The following DLGAP2 variants were observed in gnomAD, a reference collection of about 807,000 sequenced individuals.
DLGAP2 encodes DLG associated protein 2, also known as disks large-associated protein 2.
Under a neutral mutation model 100.3 loss-of-function variants are expected in DLGAP2, and 26 were observed. That is an observed-to-expected ratio of 0.26 (90% CI 0.19 to 0.36). The LOEUF (loss-of-function observed/expected upper bound fraction) is 0.36, where lower values mean the gene tolerates loss of function less well. DLGAP2 is among the 10% of genes least tolerant of loss of function. The pLI is 1.00. For synonymous variants in DLGAP2, 886 were observed against 630.1 expected (o/e 1.41, Z -6.08); for missense variants, 1,858 against 1,453.2 (o/e 1.28, Z -4.53).
intron 4 of DLGAP2, among the ~76,000 whole-genome samples, chr8:1,526,846 T>C (rs1261010937): frequency 6.6e-6 from 1 of 152,112 alleles, no homozygotes; most frequent in Non-Finnish European, 1.5e-5. Flanking sequence ...AGGCCCAGGG[T>C]TCTCTCTGGG....
chr8:1,093,994 G>A (rs531268905), intron 2 of DLGAP2, among the ~76,000 whole-genome samples: 1 of 111,816 alleles, frequency 8.9e-6, no homozygotes, highest in East Asian at 2.7e-4. Flanking sequence ...TGGATGGAGG[G>A]CAGCTCCCCG....
chr8:903,503 A>G (rs1461433139), intron 1 of DLGAP2, among the ~76,000 whole-genome samples: 1 of 152,110 alleles, frequency 6.6e-6, no homozygotes, highest in Admixed American at 6.5e-5. Flanking sequence ...GACGGTCACC[A>G]TCTCAGAATA....
intron 1 of DLGAP2, among the ~76,000 whole-genome samples, chr8:756,707 C>T (rs1214243502): frequency 6.6e-6 from 1 of 152,094 alleles, no homozygotes; most frequent in Non-Finnish European, 1.5e-5. Flanking sequence ...AATCCCCCTT[C>T]CCCTGAGCGC....
chr8:1,475,583 G>T (rs1325839096), intron 3 of DLGAP2, among the ~76,000 whole-genome samples: 12 of 152,118 alleles, frequency 7.9e-5, no homozygotes, highest in African/African-American at 2.9e-4. Flanking sequence ...ACTGGGTCAG[G>T]TCACCACCCT....
chr8:1,344,820 C>T (rs959702061), intron 3 of DLGAP2, among the ~76,000 whole-genome samples: 1 of 152,164 alleles, frequency 6.6e-6, no homozygotes, highest in Non-Finnish European at 1.5e-5. Flanking sequence ...TGACTCACAG[C>T]AGGTACAGAA....
intron 2 of DLGAP2, among the ~76,000 whole-genome samples, chr8:997,859 TACACACAA>T (rs1563135130): frequency 6.8e-6 from 1 of 146,020 alleles, no homozygotes; most frequent in Non-Finnish European, 1.6e-5. Context: ...CATACACACA[TACACACAA>T]ACACACATAC....
intron 6 of DLGAP2, among the ~76,000 whole-genome samples, chr8:1,624,594 G>A (rs1421429404): frequency 6.6e-6 from 1 of 151,750 alleles, no homozygotes; most frequent in Non-Finnish European, 1.5e-5. Context: ...ATGCTTTCAG[G>A]GTGGTGACAG....
At chr8:1,331,339 C>G (rs1448470193) in intron 3 of DLGAP2, among the ~76,000 whole-genome samples, 1 of 152,170 alleles carries the variant, frequency 6.6e-6, no homozygotes, top group Non-Finnish European at 1.5e-5. Flanking sequence ...TCCTCACACA[C>G]CCGTTTCACA....
intron 2 of DLGAP2, among the ~76,000 whole-genome samples, chr8:979,295 G>A (rs1800262068): frequency 6.6e-6 from 1 of 152,194 alleles, no homozygotes; most frequent in African/African-American, 2.4e-5. Flanking sequence ...GACATCCGAA[G>A]GAGTGGGAAA....
chr8:1,034,211 T>A, intron 2 of DLGAP2, among the ~76,000 whole-genome samples: 5 of 7,512 alleles, frequency 6.7e-4, no homozygotes, highest in South Asian at 0.011. Context: ...ATCCCGACCC[T>A]GCGTGTCACC....
intron 2 of DLGAP2, among the ~76,000 whole-genome samples, chr8:970,688 G>A (rs559642330): frequency 6.6e-6 from 1 of 152,180 alleles, no homozygotes; most frequent in African/African-American, 2.4e-5. Flanking sequence ...TTAGAGACAT[G>A]TAATTATTTT....
chr8:1,370,433 G>A (rs546859068), intron 3 of DLGAP2, among the ~76,000 whole-genome samples: 16 of 152,168 alleles, frequency 1.1e-4, no homozygotes, highest in Non-Finnish European at 1.6e-4. Flanking sequence ...TTTCAAAATA[G>A]TGAGGTGGAA....
At chr8:820,486 A>G (rs982667592) in intron 1 of DLGAP2, among the ~76,000 whole-genome samples, 2 of 152,250 alleles carry the variant, frequency 1.3e-5, no homozygotes, top group Admixed American at 1.3e-4. Context: ...CTCGAAAGCA[A>G]TGAAAAATTT....
chr8:1,294,394 T>A (rs11136379), intron 3 of DLGAP2, among the ~76,000 whole-genome samples: 63,757 of 152,062 alleles, frequency 0.42, 13,657 homozygotes, highest in East Asian at 0.56. Flanking sequence ...TGAGGTTGTT[T>A]TGGTGTCTCC....
intron 3 of DLGAP2, among the ~76,000 whole-genome samples, chr8:1,340,533 G>A (rs550402242): frequency 4.0e-4 from 61 of 152,338 alleles, no homozygotes; most frequent in African/African-American, 1.1e-3. Context: ...ATGAGATGCC[G>A]TCTCACAGCA....
At chr8:1,364,114 C>T (rs984220912) in intron 3 of DLGAP2, among the ~76,000 whole-genome samples, 6 of 152,188 alleles carry the variant, frequency 3.9e-5, no homozygotes, top group African/African-American at 1.2e-4. Context: ...GCTCTCGGCC[C>T]CACCCACCTT....
intron 2 of DLGAP2, among the ~76,000 whole-genome samples, chr8:1,165,479 G>T (rs1306616609): frequency 6.6e-6 from 1 of 152,156 alleles, no homozygotes; most frequent in African/African-American, 2.4e-5. Context: ...TGGTGCAAAG[G>T]GCATCGCACT....
intron 3 of DLGAP2, among the ~76,000 whole-genome samples, chr8:1,464,282 A>G (rs1436808614): frequency 3.7e-5 from 4 of 109,048 alleles, no homozygotes; most frequent in African/African-American, 1.1e-4. Context: ...CCCTTCCAGG[A>G]CAACGCCCTT....
intron 3 of DLGAP2, among the ~76,000 whole-genome samples, chr8:1,266,090 T>G (rs1307975389): frequency 6.6e-6 from 1 of 152,194 alleles, no homozygotes; most frequent in East Asian, 1.9e-4. Context: ...ACATAGAACC[T>G]CACTGAAGGG....
Sources: allele counts gnomAD v4.1 joint callset (sites outside exome capture counted in the v4.1 genomes callset), GRCh38; gene constraint gnomAD v4.1.1; transcripts MANE v1.5; gene names NCBI Gene and HGNC (gene_info 2026-07-23, HGNC 2026-07-21).